The following AKR1D1 variants were observed in gnomAD, a reference collection of about 807,000 sequenced individuals.
The protein encoded by AKR1D1 is delta(4)-3-ketosteroid 5-beta-reductase.
Under a neutral mutation model 42.6 loss-of-function variants are expected in AKR1D1, and 32 were observed. That is an observed-to-expected ratio of 0.75 (90% CI 0.57 to 1.01). The LOEUF (loss-of-function observed/expected upper bound fraction) is 1.01, where lower values mean the gene tolerates loss of function less well. AKR1D1 is among the 50% of genes least tolerant of loss of function. AKR1D1 has a pLI of 0.00. For missense variants in AKR1D1, 364 were observed against 402.2 expected (o/e 0.91, Z 0.81); for synonymous variants, 123 against 135.5 (o/e 0.91, Z 0.64).
At chr7:138,077,063 A>T (rs1444566547) in intron 1 of AKR1D1, among the ~76,000 whole-genome samples, 3 of 152,178 alleles carry the variant, frequency 2.0e-5, no homozygotes, top group Non-Finnish European at 4.4e-5. Context: ...ATTAAAAATC[A>T]AATAGAGGGG....
chr7:138,078,285 G>C (rs1802984060), intron 1 of AKR1D1, among the ~76,000 whole-genome samples: 1 of 152,124 alleles, frequency 6.6e-6, no homozygotes, highest in East Asian at 1.9e-4. Flanking sequence ...TCGTTCTATA[G>C]TAATGAGACA....
rs566304775 is a variant in AKR1D1 at position 138,108,135 on chromosome 7, G to A, written c.855+555G>A. On this transcript the variant is annotated intron_variant, in intron 7 of 8. Coordinates refer to ENST00000242375, the MANE Select transcript of AKR1D1 (RefSeq NM_005989.4). ...GTTGAGGACAAATTTGAAAATTATT[G>A]AAGAGGACCATTTAGACTTCATGAA... Among the ~76,000 whole-genome samples, 3 of 152,274 alleles carry A rather than the reference G, an allele frequency of 2.0e-5. No homozygotes were observed. The South Asian group carries it at 6.2e-4, about 32-fold the overall frequency.
intron 3 of AKR1D1, among the ~76,000 whole-genome samples, chr7:138,092,517 C>T (rs1794104057): frequency 1.3e-5 from 2 of 152,200 alleles, no homozygotes; most frequent in African/African-American, 4.8e-5. Context: ...AGTGTACTTA[C>T]ACAAACCGAG....
chr7:138,090,467 T>G (rs1473218498), intron 2 of AKR1D1, among the ~76,000 whole-genome samples: 1 of 151,810 alleles, frequency 6.6e-6, no homozygotes, highest in Non-Finnish European at 1.5e-5. Flanking sequence ...TGAAACCCCA[T>G]CTCTACTAAA....
intron 3 of AKR1D1, among the ~76,000 whole-genome samples, chr7:138,097,217 C>T (rs931176369): frequency 5.9e-5 from 9 of 152,174 alleles, no homozygotes; most frequent in African/African-American, 1.7e-4. Flanking sequence ...TGCAGTTGCC[C>T]CAGTCCCAGA....
chr7:138,104,448 A>C (rs1016939776), intron 4 of AKR1D1, among the ~76,000 whole-genome samples: 5 of 152,138 alleles, frequency 3.3e-5, no homozygotes, highest in African/African-American at 1.2e-4. Flanking sequence ...CTATAATACC[A>C]GCACTTTGGG....
chr7:138,091,697 A>C, intron 2 of AKR1D1, 71 bp from the exon 3 acceptor site: 1 of 1,253,140 alleles, frequency 8.0e-7, no homozygotes, highest in South Asian at 1.2e-5. Context: ...GTGTTTTACA[A>C]AGAAAAAGGG....
intron 1 of AKR1D1, among the ~76,000 whole-genome samples, chr7:138,085,749 ACTTT>A (rs1803161536): frequency 6.6e-6 from 1 of 151,960 alleles, no homozygotes; most frequent in Non-Finnish European, 1.5e-5. Flanking sequence ...CCCCAGCTGT[ACTTT>A]CTTTATCCTA....
At chr7:138,108,176 C>T (rs10263205) in intron 7 of AKR1D1, among the ~76,000 whole-genome samples, 120,777 of 152,178 alleles carry the variant, frequency 0.79, 48,229 homozygotes, top group African/African-American at 0.86. Flanking sequence ...ATTGCCTTTA[C>T]TTCCCTCTAT....
At chr7:138,105,175 C>CT (rs1208775466) in intron 4 of AKR1D1, 132 bp from the exon 5 acceptor site, 4 of 1,302,978 alleles carry the variant, frequency 3.1e-6, no homozygotes, top group Non-Finnish European at 4.4e-6. Flanking sequence ...CCTTCTTTTA[C>CT]TTTTTTTCGC....
Position 138,081,506 on chromosome 7 carries a change from C to CTTTTTTTT in AKR1D1, c.93+4924_93+4931dup, listed in dbSNP as rs61466734. Among the ~76,000 whole-genome samples, 9 of 47,700 alleles carry CTTTTTTTT rather than the reference C, an allele frequency of 1.9e-4. 2 individuals are homozygous for CTTTTTTTT. The highest frequency in any genetic ancestry group is 9.0e-4 in the African/African-American group (9 of 9,988). The allele number at this position is 47,700 out of a possible 152,430, so 31.3% of individuals were successfully genotyped here. ...TCCAAAATATAAAAGGAACTCCTAC[C>CTTTTTTTT]TTTTTTTTTTTTTTTTTTTTTTTTT... On this transcript the variant is annotated intron_variant, in intron 1 of 8. Transcript: ENST00000242375.
chr7:138,098,244 C>A, intron 4 of AKR1D1: 3 of 257,470 alleles, frequency 1.2e-5, no homozygotes, highest in East Asian at 8.2e-5. Flanking sequence ...GATAAATTCA[C>A]AAATCAAAAA....
chr7:138,080,681 G>A (rs7784881), intron 1 of AKR1D1, among the ~76,000 whole-genome samples: 6 of 152,070 alleles, frequency 3.9e-5, no homozygotes, highest in Non-Finnish European at 7.4e-5. Flanking sequence ...GCAAAGCATC[G>A]CTGTGGGTTA....
chr7:138,108,745 G>A (rs942994911), intron 7 of AKR1D1, among the ~76,000 whole-genome samples: 1 of 152,156 alleles, frequency 6.6e-6, no homozygotes, highest in Admixed American at 6.6e-5. Flanking sequence ...ACAAAAAGGT[G>A]TCTATAGTTG....
Position 138,116,760 on chromosome 7 carries a change from C to T in AKR1D1, c.*98C>T. The T allele has an allele frequency of 9.0e-7, 1 of 1,110,762 alleles. No individual in the cohort carries two copies. The highest frequency in any genetic ancestry group is 1.5e-5 in the African/African-American group (1 of 64,744). 68.8% of individuals were successfully genotyped at this position (1,110,762 alleles called of 1,614,324 possible). ...GTGAAAATGAAGAGAGAGGGTTTTA[C>T]CATCCTGAGAAGAAATAATGATGGA... On this transcript the variant is annotated 3_prime_UTR_variant, in exon 9 of 9. Coordinates refer to ENST00000242375, the MANE Select transcript of AKR1D1 (RefSeq NM_005989.4).
intron 2 of AKR1D1, among the ~76,000 whole-genome samples, chr7:138,089,719 C>T (rs1794023491): frequency 1.3e-5 from 2 of 152,106 alleles, no homozygotes; most frequent in Non-Finnish European, 2.9e-5. Context: ...TGTAATAAAG[C>T]ATACTTGGGC....
intron 1 of AKR1D1, among the ~76,000 whole-genome samples, chr7:138,079,600 TGTAAA>T (rs1803011356): frequency 6.6e-6 from 1 of 152,238 alleles, no homozygotes; most frequent in Admixed American, 6.5e-5. Context: ...TGGAGAATGC[TGTAAA>T]GTAATTATTA....
chr7:138,107,681 T>A lies in AKR1D1; in HGVS notation c.855+101T>A. 4.0e-6 allele frequency: 5 copies of A among 1,245,572 alleles called. No homozygotes were observed. In the East Asian group the frequency reaches 1.2e-4, roughly 30 times the overall value. 77.2% of individuals were successfully genotyped at this position (1,245,572 alleles called of 1,614,324 possible). A position where few individuals can be genotyped will look rare whatever the true frequency, so the allele number is the denominator to read the frequency against. On this transcript the variant is annotated intron_variant, in intron 7 of 8. Coordinates refer to ENST00000242375, the MANE Select transcript of AKR1D1 (RefSeq NM_005989.4). ...TAATAGGAAACCTGTAACACTCTCA[T>A]ATTTTATTTTATACCAGCCCCTTGA...
Position 138,092,648 on chromosome 7 carries a change from G to A in AKR1D1, c.378+764G>A, listed in dbSNP as rs533321967. On this transcript the variant is annotated intron_variant, in intron 3 of 8. Coordinates refer to ENST00000242375, the MANE Select transcript of AKR1D1 (RefSeq NM_005989.4). ...CAGACTTAGGCTAGATAGCCCAGCC[G>A]ATTGCTCCTAGGCTATAAACCTGCA... 9.9e-5 allele frequency among the ~76,000 whole-genome samples: 15 copies of A among 152,284 alleles called. No individual in the cohort carries two copies. The South Asian group carries it at 1.2e-3, about 13-fold the overall frequency.
Sources: allele counts gnomAD v4.1 joint callset (sites outside exome capture counted in the v4.1 genomes callset), GRCh38; gene constraint gnomAD v4.1.1; transcripts MANE v1.5; gene names NCBI Gene and HGNC (gene_info 2026-07-23, HGNC 2026-07-21).